The following NOL4 variants were observed in gnomAD, a reference collection of about 807,000 sequenced individuals.
NOL4 encodes nucleolar protein 4.
A neutral mutation model predicts 75.9 loss-of-function variants in NOL4; 17 were observed. The observed-to-expected ratio is 0.22, with a 90% confidence interval of 0.15 to 0.34. The LOEUF is 0.34. Ranked by LOEUF, NOL4 falls within the 10% of genes least tolerant of loss-of-function variation. The pLI is 1.00. For synonymous variants in NOL4, 292 were observed against 289.9 expected, an observed-to-expected ratio of 1.01 and a Z score of -0.07; for missense variants, 614 against 793.5, an observed-to-expected ratio of 0.77 and a Z score of 2.72.
chr18:34,180,585 A>G (rs1352089814), intron 1 of NOL4, among the ~76,000 whole-genome samples: 1 of 151,480 alleles, frequency 6.6e-6, no homozygotes, highest in Admixed American at 6.6e-5. Flanking sequence ...TGTCACTTCT[A>G]TTCAACACTA....
At chr18:34,139,962 G>A (rs2081071003) in intron 1 of NOL4, among the ~76,000 whole-genome samples, 1 of 152,162 alleles carries the variant, frequency 6.6e-6, no homozygotes, top group South Asian at 2.1e-4. Context: ...GGAGCAGGTT[G>A]TTCGGTTTCC....
intron 6 of NOL4, among the ~76,000 whole-genome samples, chr18:33,971,047 G>A (rs543560539): frequency 3.9e-5 from 6 of 152,118 alleles, no homozygotes; most frequent in Middle Eastern, 3.4e-3. Context: ...ACTAGGTGTC[G>A]GTGAGATACA....
rs150093589 is a variant in NOL4, at chr18:33,958,960, G to C, written c.1057-542C>G. On this transcript the variant is annotated intron_variant, in intron 6 of 10. Coordinates refer to ENST00000261592, the MANE Select transcript of NOL4 (RefSeq NM_003787.5). Reference sequence around the variant, plus strand: ...AGCAAGAGCTATACAAAATATTATTGACTATTAGTTATTAGTTAACATGCT... The same window carrying C: ...AGCAAGAGCTATACAAAATATTATTCACTATTAGTTATTAGTTAACATGCT... 3.9e-3 allele frequency among the ~76,000 whole-genome samples: 587 copies of C among 152,128 alleles called. 2 individuals carry two copies. Among genetic ancestry groups the C allele is most frequent in the African/African-American group, 0.013 (552 of 41,526 alleles).
chr18:33,942,356 T>A (rs1260830964), intron 9 of NOL4, among the ~76,000 whole-genome samples: 1 of 151,644 alleles, frequency 6.6e-6, no homozygotes, highest in South Asian at 2.1e-4. Context: ...AGGGGGTACA[T>A]ACAACAAAGA....
At chr18:34,186,996 G>A (rs2034510483) in intron 1 of NOL4, among the ~76,000 whole-genome samples, 1 of 152,074 alleles carries the variant, frequency 6.6e-6, no homozygotes. Flanking sequence ...GCACCAGAGT[G>A]GTACTTCCAT....
At chr18:34,110,260 T>A (rs542857103) in intron 2 of NOL4, among the ~76,000 whole-genome samples, 81 of 151,126 alleles carry the variant, frequency 5.4e-4, no homozygotes, top group African/African-American at 1.9e-3. Flanking sequence ...AGCCAATTTC[T>A]CTGATGAACA....
At chr18:33,907,422 T>C (rs1803912180) in intron 9 of NOL4, among the ~76,000 whole-genome samples, 2 of 150,804 alleles carry the variant, frequency 1.3e-5, no homozygotes, top group East Asian at 1.9e-4. Context: ...ATAAACAAAA[T>C]CTAAAAAGAT....
At chr18:34,201,590 A>G (rs938374449) in intron 1 of NOL4, among the ~76,000 whole-genome samples, 1 of 151,860 alleles carries the variant, frequency 6.6e-6, no homozygotes, top group African/African-American at 2.4e-5. Context: ...TCCTTTCTCC[A>G]TTAACATAAA....
intron 5 of NOL4, among the ~76,000 whole-genome samples, chr18:34,053,562 T>C (rs1362253975): frequency 6.6e-6 from 1 of 151,960 alleles, no homozygotes; most frequent in Admixed American, 6.6e-5. Context: ...AGATGGAAAA[T>C]TGTCTCTGAG....
At chr18:33,919,568 C>G (rs549041593) in intron 9 of NOL4, among the ~76,000 whole-genome samples, 4 of 152,266 alleles carry the variant, frequency 2.6e-5, no homozygotes, top group African/African-American at 7.2e-5. Context: ...AAACAAAAGA[C>G]ATGTATAGAT....
intron 1 of NOL4, among the ~76,000 whole-genome samples, chr18:34,204,296 G>A (rs2035967812): frequency 6.6e-6 from 1 of 152,056 alleles, no homozygotes; most frequent in African/African-American, 2.4e-5. Flanking sequence ...ATTAGTTCTT[G>A]TAGTCTGCAA....
rs1317310194 is a variant in NOL4, at chr18:34,223,228, C to A, written c.26G>T (p.Arg9Leu). Residue 9 changes from arginine (R) to leucine (L), a missense_variant, in exon 1 of 11, where the codon CGC becomes CTC. By Grantham distance (102) the Arg-to-Leu change is moderately radical. Coordinates refer to ENST00000261592, the MANE Select transcript of NOL4 (RefSeq NM_003787.5). ...CCTGAGGCACCAGTCCTGGAACTGG[C>A]GGTACATGTCGCGCTCGCTCTCCAT... The part of the protein sequence containing the change: MESERDMY[R>L]QFQDWCLRTY... 6.2e-7 allele frequency: 1 copy of A among 1,613,982 alleles called. No homozygotes were observed.
At chr18:33,888,887 G>T (rs1460465343) in intron 9 of NOL4, among the ~76,000 whole-genome samples, 1 of 151,820 alleles carries the variant, frequency 6.6e-6, no homozygotes, top group Admixed American at 6.6e-5. Context: ...GCTTGGGATT[G>T]TCTTTGCTAA....
chr18:34,037,737 T>G (rs1450167754), intron 5 of NOL4, among the ~76,000 whole-genome samples: 1 of 152,136 alleles, frequency 6.6e-6, no homozygotes, highest in Non-Finnish European at 1.5e-5. Context: ...GATCCATATT[T>G]CTCACCGTAT....
At chr18:34,188,650 C>G (rs188896649) in intron 1 of NOL4, among the ~76,000 whole-genome samples, 1 of 152,284 alleles carries the variant, frequency 6.6e-6, no homozygotes, top group East Asian at 1.9e-4. Flanking sequence ...TAGAATGGCT[C>G]TCTGTCACTG....
chr18:33,951,582 T>C (rs926992202), intron 8 of NOL4, among the ~76,000 whole-genome samples: 48 of 152,282 alleles, frequency 3.2e-4, no homozygotes, highest in African/African-American at 1.1e-3. Flanking sequence ...ATTTCTCCTC[T>C]GGAATGCCTG....
chr18:34,189,752 CTTTAT>C (rs913794130), intron 1 of NOL4, among the ~76,000 whole-genome samples: 292 of 151,940 alleles, frequency 1.9e-3, no homozygotes, highest in African/African-American at 6.5e-3. Context: ...AAAATATGTA[CTTTAT>C]TTTGAGTCCT....
chr18:33,965,182 T>C (rs1423296006), intron 6 of NOL4, among the ~76,000 whole-genome samples: 2 of 152,096 alleles, frequency 1.3e-5, no homozygotes, highest in Non-Finnish European at 2.9e-5. Context: ...GCCTGAGATA[T>C]GCTTTAAAAT....
chr18:33,904,339 C>T (rs367703322), intron 9 of NOL4, among the ~76,000 whole-genome samples: 109 of 151,890 alleles, frequency 7.2e-4, no homozygotes, highest in African/African-American at 2.3e-3. Flanking sequence ...GGTATATAAA[C>T]GAAAAAAGTA....
Sources: gnomAD v4.1 joint callset for allele counts (sites outside exome capture counted in the v4.1 genomes callset) on GRCh38, gnomAD v4.1.1 for gene constraint, MANE v1.5 for transcripts, NCBI Gene and HGNC (gene_info 2026-07-23, HGNC 2026-07-21) for gene names.